The following DPH6 variants were observed in gnomAD, a reference collection of about 807,000 sequenced individuals.
The protein encoded by DPH6 is diphthine--ammonia ligase.
DPH6 carries 33 observed loss-of-function variants against 38.2 expected under a neutral mutation model. That is an observed-to-expected ratio of 0.86 (90% CI 0.65 to 1.15). DPH6 has a LOEUF of 1.15. Among genes scored for constraint, DPH6 ranks in the 50% most tolerant of loss-of-function variants. DPH6 has a pLI of 0.00. For synonymous variants in DPH6, 108 were observed against 103.0 expected (o/e 1.05, Z -0.30); for missense variants, 325 against 320.0 (o/e 1.02, Z -0.12).
At chr15:35,392,408 GA>G (rs59974813) in intron 6 of DPH6, among the ~76,000 whole-genome samples, 48,062 of 137,776 alleles carry the variant, frequency 0.35, 8,508 homozygotes, top group African/African-American at 0.5. Context: ...TTTTAAAATG[GA>G]AAAAAAAAAA....
the DPH6 span, among the ~76,000 whole-genome samples, chr15:35,186,590 G>A: frequency 1.5e-4 from 23 of 152,196 alleles, no homozygotes; most frequent in Admixed American, 6.5e-5. Flanking sequence ...TCTACCAGCT[G>A]AGTTATGAAT....
chr15:35,521,244 G>C (rs1330702712), intron 3 of DPH6: 2 of 985,644 alleles, frequency 2.0e-6, no homozygotes, highest in African/African-American at 3.5e-5. Context: ...GGCAGTTCTA[G>C]TCACAGGTAC....
chr15:35,316,199 G>A (rs1261124259), intron 3 of DPH6, among the ~76,000 whole-genome samples: 1 of 152,100 alleles, frequency 6.6e-6, no homozygotes, highest in Non-Finnish European at 1.5e-5. Flanking sequence ...TAATTCAAGT[G>A]TTTCTAGAAT....
chr15:35,195,275 C>T, the DPH6 span, among the ~76,000 whole-genome samples: 4 of 152,110 alleles, frequency 2.6e-5, no homozygotes, highest in Non-Finnish European at 5.9e-5. Context: ...AATAATAGTC[C>T]ATTGTGTACA....
intron 3 of DPH6, among the ~76,000 whole-genome samples, chr15:35,275,777 C>G (rs944412510): frequency 6.6e-6 from 1 of 151,130 alleles, no homozygotes; most frequent in East Asian, 1.9e-4. Flanking sequence ...AATGTCATTA[C>G]TTCATTTCTT....
intron 3 of DPH6, among the ~76,000 whole-genome samples, chr15:35,509,164 C>T (rs1452212482): frequency 6.6e-6 from 1 of 152,118 alleles, no homozygotes; most frequent in African/African-American, 2.4e-5. Flanking sequence ...TTACAAGAAA[C>T]AGATTTATGA....
chr15:35,360,416 C>T (rs1179814187), intron 3 of DPH6, among the ~76,000 whole-genome samples: 1 of 152,130 alleles, frequency 6.6e-6, no homozygotes, highest in Non-Finnish European at 1.5e-5. Flanking sequence ...AGATGGCAGG[C>T]CCATTAGCAG....
At chr15:35,403,416 T>C (rs749793231) in intron 6 of DPH6, among the ~76,000 whole-genome samples, 13 of 152,138 alleles carry the variant, frequency 8.5e-5, no homozygotes, top group Non-Finnish European at 1.6e-4. Flanking sequence ...TCAGTCCAAT[T>C]ACACTTTTTT....
chr15:35,374,318 T>C (rs928797942), intron 7 of DPH6, among the ~76,000 whole-genome samples: 4 of 152,126 alleles, frequency 2.6e-5, no homozygotes, highest in African/African-American at 9.7e-5. Flanking sequence ...ACTGAAAATT[T>C]AAAAATAGAA....
intron 3 of DPH6, among the ~76,000 whole-genome samples, chr15:35,220,792 C>G (rs563154690): frequency 2.2e-4 from 33 of 152,200 alleles, no homozygotes; most frequent in African/African-American, 7.7e-4. Context: ...TATTCTACCA[C>G]CAACACAAGG....
chr15:35,491,824 T>A (rs541871029), intron 3 of DPH6, among the ~76,000 whole-genome samples: 397 of 150,672 alleles, frequency 2.6e-3, no homozygotes, highest in African/African-American at 7.6e-3. Context: ...GATATATGTA[T>A]CTATATATCT....
intron 3 of DPH6, among the ~76,000 whole-genome samples, chr15:35,261,383 T>C (rs2051745321): frequency 6.6e-6 from 1 of 152,216 alleles, no homozygotes; most frequent in Non-Finnish European, 1.5e-5. Flanking sequence ...CTTCCTTCTC[T>C]TGAAGATCTT....
chr15:35,384,404 T>C (rs2052915665), intron 6 of DPH6, among the ~76,000 whole-genome samples: 2 of 152,204 alleles, frequency 1.3e-5, no homozygotes, highest in Non-Finnish European at 1.5e-5. Context: ...TTTAAAGCTA[T>C]GACATTTGAT....
At chr15:35,394,895 G>T (rs73378710) in intron 6 of DPH6, among the ~76,000 whole-genome samples, 3,714 of 152,208 alleles carry the variant, frequency 0.024, 68 homozygotes, top group African/African-American at 0.052. Context: ...AAAGTTATCA[G>T]CTTAGAACCA....
At chr15:35,154,233 C>A in the DPH6 span, among the ~76,000 whole-genome samples, 2 of 152,052 alleles carry the variant, frequency 1.3e-5, no homozygotes, top group Non-Finnish European at 2.9e-5. Context: ...ATATGCTAAA[C>A]CCTGATTTGA....
chr15:35,292,167 A>T (rs1047333264), intron 3 of DPH6, among the ~76,000 whole-genome samples: 4 of 152,130 alleles, frequency 2.6e-5, no homozygotes, highest in African/African-American at 9.7e-5. Flanking sequence ...TTATTTTTTG[A>T]TGAAAATTTG....
chr15:35,359,309 C>A (rs892097357), intron 3 of DPH6, among the ~76,000 whole-genome samples: 1 of 152,136 alleles, frequency 6.6e-6, no homozygotes, highest in Non-Finnish European at 1.5e-5. Context: ...CTGTCTGACC[C>A]CAACCTGTGA....
At chr15:35,302,209 A>G (rs1214273425) in intron 3 of DPH6, among the ~76,000 whole-genome samples, 1 of 152,084 alleles carries the variant, frequency 6.6e-6, no homozygotes, top group East Asian at 1.9e-4. Context: ...GGGGACATTT[A>G]TTTTCTCATT....
intron 6 of DPH6, among the ~76,000 whole-genome samples, chr15:35,392,545 T>C (rs907003972): frequency 3.9e-5 from 6 of 152,342 alleles, no homozygotes; most frequent in Middle Eastern, 3.4e-3. Flanking sequence ...ATAACACTTA[T>C]TAAGGATGTA....
Sources: gnomAD v4.1 joint callset for allele counts (sites outside exome capture counted in the v4.1 genomes callset) on GRCh38, gnomAD v4.1.1 for gene constraint, MANE v1.5 for transcripts, NCBI Gene and HGNC (gene_info 2026-07-23, HGNC 2026-07-21) for gene names.